FRY: variants seen among roughly 807,000 people sequenced by gnomAD.
FRY encodes protein furry homolog.
In FRY, 128 loss-of-function variants were observed where a neutral mutation model predicts 348.4. The ratio of observed to expected loss-of-function variants is 0.37; its 90% CI spans 0.32 to 0.43. The LOEUF (loss-of-function observed/expected upper bound fraction) is 0.43. FRY is among the 20% of genes least tolerant of loss of function. The pLI is 1.00. For synonymous variants in FRY, 1,370 were observed against 1,374.7 expected, an observed-to-expected ratio of 1.00 and a Z score of 0.08; for missense variants, 2,736 against 3,695.2, an observed-to-expected ratio of 0.74 and a Z score of 6.73.
rs566199394 is a variant in FRY at position 32,207,853 on chromosome 13, G to A, written c.4019-1000G>A. Among the ~76,000 whole-genome samples the A allele has an allele frequency of 2.4e-4, 36 of 152,262 alleles. 1 individual carries two copies. In the South Asian group the frequency reaches 6.0e-3, roughly 25 times the overall value. ...TTTAGCAGCCATGAGCCCTCTAAGC[G>A]AGATTGCATTGCCACACTGGATCAT... On this transcript the variant is annotated intron_variant, in intron 31 of 60. Transcript: ENST00000542859.
At position 32,075,394 on chromosome 13, in the gene FRY, A is replaced by G. The variant is rs1310201091; in HGVS notation, c.71-3440A>G. Among the ~76,000 whole-genome samples, 5 of 152,136 alleles carry G rather than the reference A, an allele frequency of 3.3e-5. No homozygotes were observed. The East Asian group carries it at 5.8e-4, about 18-fold the overall frequency. On this transcript the variant is annotated intron_variant, in intron 1 of 60. Coordinates refer to ENST00000542859, the MANE Select transcript of FRY (RefSeq NM_023037.3). ...TTCTGGCAGCTTTCTAAATTATGCAATTTTGTTTCTTCTTTTGCTACTAGC... is the reference window on the plus strand; with the variant it reads ...TTCTGGCAGCTTTCTAAATTATGCAGTTTTGTTTCTTCTTTTGCTACTAGC...
At chr13:32,093,067 T>C (rs535349777) in intron 2 of FRY, among the ~76,000 whole-genome samples, 1 of 152,314 alleles carries the variant, frequency 6.6e-6, no homozygotes, top group Non-Finnish European at 1.5e-5. Context: ...TCTTCAACAA[T>C]TATCAACTCA....
chr13:32,097,266 G>T (rs1346482493), intron 2 of FRY, among the ~76,000 whole-genome samples: 1 of 151,842 alleles, frequency 6.6e-6, no homozygotes, highest in Admixed American at 6.6e-5. Flanking sequence ...GTTATCATTT[G>T]TCTGAGTTTT....
At chr13:32,222,677 G>A (rs372214982) in intron 36 of FRY, among the ~76,000 whole-genome samples, 35 of 152,312 alleles carry the variant, frequency 2.3e-4, no homozygotes, top group African/African-American at 8.2e-4. Context: ...TGTTTTGAGG[G>A]CAGAGCTCTC....
intron 7 of FRY, among the ~76,000 whole-genome samples, chr13:32,126,529 G>A (rs770704615): frequency 9.2e-5 from 14 of 152,236 alleles, no homozygotes; most frequent in Middle Eastern, 3.4e-3. Context: ...CCTATTCTGC[G>A]GTAGTAGGGT....
At chr13:32,057,410 G>T (rs896551260) in intron 1 of FRY, among the ~76,000 whole-genome samples, 2 of 152,078 alleles carry the variant, frequency 1.3e-5, no homozygotes, top group African/African-American at 4.8e-5. Flanking sequence ...GACCTCAGGT[G>T]ATCCACCCAC....
chr13:32,092,425 G>A (rs1876376325), intron 2 of FRY, among the ~76,000 whole-genome samples: 1 of 152,220 alleles, frequency 6.6e-6, no homozygotes, highest in African/African-American at 2.4e-5. Flanking sequence ...ATTGTGAAGT[G>A]AAGATGTAAT....
chr13:32,228,233 T>C (rs1036503546), intron 39 of FRY, among the ~76,000 whole-genome samples: 2 of 152,162 alleles, frequency 1.3e-5, no homozygotes, highest in Non-Finnish European at 2.9e-5. Flanking sequence ...GCAGATCACC[T>C]CCTATTCCCA....
intron 51 of FRY, 70 bp from the exon 52 acceptor site, chr13:32,261,546 A>G: frequency 8.3e-7 from 1 of 1,206,746 alleles, no homozygotes; most frequent in Non-Finnish European, 1.2e-6. Flanking sequence ...AGCTATGACT[A>G]ATTGAATGTG....
At chr13:32,155,809 A>G in intron 15 of FRY, 147 bp downstream of exon 15, 4 of 616,424 alleles carry the variant, frequency 6.5e-6, no homozygotes, top group Non-Finnish European at 8.3e-6. Context: ...TGATTGATTC[A>G]TGCTGTGTTT....
Position 32,208,891 on chromosome 13 carries a change from C to A in FRY, c.4057C>A (p.Arg1353Ser), listed in dbSNP as rs746157649. Residue 1353 changes from arginine (R) to serine (S), a missense_variant, in exon 32 of 61, where the codon CGC becomes AGC. Arg to Ser is a moderately radical substitution (Grantham distance 110, BLOSUM62 -1). This residue lies in a region of FRY where 794 missense variants were observed against 977.0 expected (regional missense o/e 0.81). Coordinates refer to ENST00000542859, the MANE Select transcript of FRY (RefSeq NM_023037.3). ...QRFPTTHPNG[R>S]QIMLTYLLPW... The stretch of plus-strand genomic sequence containing the variant: ...ATTCCCCACAACACACCCCAACGGG[C>A]GCCAGATCATGCTTACCTACCTGCT... 2.5e-6 allele frequency: 4 copies of A among 1,614,052 alleles called. No individual in the cohort carries two copies. The highest frequency in any genetic ancestry group is 3.4e-6 in the Non-Finnish European group (4 of 1,180,012).
Position 32,267,327 on chromosome 13 carries a change from T to C in FRY, c.8104T>C (p.Tyr2702His). Residue 2702 changes from tyrosine (Y) to histidine (H), a missense_variant, in exon 55 of 61, where the codon TAT (tyrosine) becomes CAT (histidine). Coordinates refer to ENST00000542859, the MANE Select transcript of FRY (RefSeq NM_023037.3). ...MCDSDGSCAVYTFHVFSSLFK... is the reference protein window; with the variant it reads ...MCDSDGSCAVHTFHVFSSLFK... ...TGACTCAGATGGCTCCTGTGCTGTG[T>C]ATACATTTCATGTGTTCTCCTCCTT... is the stretch of plus-strand genomic sequence containing the variant. 6.2e-7 allele frequency: 1 copy of C among 1,614,180 alleles called. No homozygotes were observed. Among genetic ancestry groups the C allele is most frequent in the Non-Finnish European group, 8.5e-7 (1 of 1,180,020 alleles).
At position 32,194,251 on chromosome 13, in the gene FRY, C is replaced by A. The variant is rs1593722163; in HGVS notation, c.3700C>A (p.Leu1234Ile). Residue 1234 changes from leucine to isoleucine, a missense_variant, in exon 29 of 61, where the codon CTT (leucine) becomes ATT (isoleucine). Physicochemically the swap from Leu to Ile is conservative, Grantham distance 5. Coordinates refer to ENST00000542859, the MANE Select transcript of FRY (RefSeq NM_023037.3). ...CCGATGCTACACAGGTTCCTACCAA[C>A]TTGCATCTGGCTGCTTCAAAGCCAT... Reference protein sequence around the residue: ...IDRCYTGSYQLASGCFKAIAT... With the variant: ...IDRCYTGSYQIASGCFKAIAT... The A allele has an allele frequency of 6.2e-7, 1 of 1,614,170 alleles. No homozygotes were observed.
At chr13:32,072,046 C>T (rs421456) in intron 1 of FRY, among the ~76,000 whole-genome samples, 70,921 of 152,046 alleles carry the variant, frequency 0.47, 19,233 homozygotes, top group Non-Finnish European at 0.59. Flanking sequence ...TCTGAATCTG[C>T]ATGGTCTTAT....
In FRY at chr13:32,228,487, A is replaced by G. The variant is rs56033724; in HGVS notation, c.5238A>G (p.Ser1746=). The G allele has an allele frequency of 4.3e-6, 7 of 1,612,770 alleles. No individual in the cohort carries two copies. Among genetic ancestry groups the G allele is most frequent in the Non-Finnish European group, 5.9e-6 (7 of 1,179,860 alleles). The change falls in exon 40 of 61, where the codon TCA becomes TCG. Residue 1746 remains serine, a synonymous_variant. Transcript: ENST00000542859. ...GGFDFLREDQ[S]SPVPDSGLSS... is the part of the protein sequence containing the mutation. ...TTGACTTCCTGAGAGAGGACCAGTC[A>G]TCCCCGGTGCCTGACTCAGGGCTTA...
intron 7 of FRY, among the ~76,000 whole-genome samples, chr13:32,131,443 C>T (rs1483050985): frequency 1.3e-5 from 2 of 152,146 alleles, no homozygotes; most frequent in Non-Finnish European, 2.9e-5. Flanking sequence ...TCTGCCCCCT[C>T]GCCTGATGAA....
At chr13:32,169,811 A>G (rs894834952) in intron 17 of FRY, among the ~76,000 whole-genome samples, 3 of 152,194 alleles carry the variant, frequency 2.0e-5, no homozygotes, top group African/African-American at 7.2e-5. Flanking sequence ...ATGAATGAAT[A>G]TGTAAAGCAG....
At chr13:32,053,773 G>A (rs1189049828) in intron 1 of FRY, among the ~76,000 whole-genome samples, 4 of 152,206 alleles carry the variant, frequency 2.6e-5, no homozygotes, top group East Asian at 1.9e-4. Context: ...AAACACATGA[G>A]CTAGACTAGG....
At chr13:32,142,959 G>A (rs1035335853) in intron 11 of FRY, among the ~76,000 whole-genome samples, 1 of 152,148 alleles carries the variant, frequency 6.6e-6, no homozygotes, top group Non-Finnish European at 1.5e-5. Flanking sequence ...GACAGGAGTA[G>A]AGGGGCAGGG....
Sources: allele counts gnomAD v4.1 joint callset (sites outside exome capture counted in the v4.1 genomes callset), GRCh38; gene constraint gnomAD v4.1.1; regional missense constraint gnomAD v4.1.1; transcripts MANE v1.5; gene names NCBI Gene and HGNC (gene_info 2026-07-23, HGNC 2026-07-21).